RBKS: variants seen among roughly 807,000 people sequenced by gnomAD.
RBKS encodes the protein ribokinase.
RBKS carries 33 observed loss-of-function variants against 33.9 expected under a neutral mutation model. That is an observed-to-expected ratio of 0.97 (90% CI 0.74 to 1.30). The LOEUF is 1.30. Ranked by LOEUF, RBKS falls within the 50% of genes most tolerant of loss-of-function variation. The probability of loss-of-function intolerance (pLI) is 0.00; values close to 1 mark genes in which losing one functional copy is unlikely to be tolerated. For missense variants in RBKS, 361 were observed against 392.6 expected (o/e 0.92, Z 0.68); for synonymous variants, 125 against 143.0 (o/e 0.87, Z 0.90).
rs1033604138 is a variant in RBKS at position 27,837,066 on chromosome 2, G to T, written c.515-4289C>A. Among the ~76,000 whole-genome samples, 11 of 152,004 alleles carry T rather than the reference G, an allele frequency of 7.2e-5. No homozygotes were observed. Among genetic ancestry groups the T allele is most frequent in the African/African-American group, 2.7e-4 (11 of 41,290 alleles). On this transcript the variant is annotated intron_variant, in intron 5 of 7. Transcript: ENST00000302188. The surrounding 1 kb of genome is among the most constrained non-coding windows in gnomAD (Gnocchi z 4.0). ...GGCAGGCAGATCACGAGGATCGGGA[G>T]ATTAAGATCATCCTGGCTAACACGG... is the stretch of plus-strand genomic sequence containing the variant.
intron 7 of RBKS, among the ~76,000 whole-genome samples, chr2:27,804,527 C>T (rs1677859872): frequency 1.3e-5 from 2 of 152,138 alleles, no homozygotes; most frequent in Non-Finnish European, 2.9e-5. Flanking sequence ...AATAATGTAA[C>T]CATAATAAAC....
At chr2:27,848,344 AT>A (rs1663665328) in intron 2 of RBKS, among the ~76,000 whole-genome samples, 1 of 152,204 alleles carries the variant, frequency 6.6e-6, no homozygotes, top group Non-Finnish European at 1.5e-5. Flanking sequence ...AGTCATTCTC[AT>A]TTTGAGCTGT....
At chr2:27,790,765 A>C (rs1458080896) in intron 7 of RBKS, among the ~76,000 whole-genome samples, 1 of 152,254 alleles carries the variant, frequency 6.6e-6, no homozygotes, top group African/African-American at 2.4e-5. Context: ...TTTAAAGCTG[A>C]AAGTACCAAT....
chr2:27,866,458 A>C (rs1664100359), intron 1 of RBKS, among the ~76,000 whole-genome samples: 1 of 152,186 alleles, frequency 6.6e-6, no homozygotes, highest in African/African-American at 2.4e-5. Flanking sequence ...CAAGTTTAAA[A>C]AATTTCAGCC....
At chr2:27,881,743 A>C (rs940830970) in intron 1 of RBKS, among the ~76,000 whole-genome samples, 1 of 152,018 alleles carries the variant, frequency 6.6e-6, no homozygotes, top group Admixed American at 6.6e-5. Context: ...GAACAGAATA[A>C]AGAGCCCCCA....
chr2:27,832,503 T>C (rs1573053100), intron 6 of RBKS, among the ~76,000 whole-genome samples, 183 bp downstream of exon 6: 1 of 152,084 alleles, frequency 6.6e-6, no homozygotes, highest in Admixed American at 6.6e-5. Flanking sequence ...AGAGAATCCT[T>C]TTTTCCCCCC....
At chr2:27,798,632 T>A (rs1677709215) in intron 7 of RBKS, among the ~76,000 whole-genome samples, 1 of 152,144 alleles carries the variant, frequency 6.6e-6, no homozygotes, top group African/African-American at 2.4e-5. Context: ...TTCCAGCCCA[T>A]CCTCTACACT....
intron 6 of RBKS, among the ~76,000 whole-genome samples, chr2:27,830,264 T>C (rs1678395150): frequency 6.6e-6 from 1 of 152,128 alleles, no homozygotes; most frequent in Non-Finnish European, 1.5e-5. Flanking sequence ...ATAAGAACAT[T>C]AAGCTTTTTT....
chr2:27,832,621 T>C lies in RBKS; in HGVS notation c.606+65A>G, dbSNP rs143430514. The C allele has an allele frequency of 4.3e-4, 439 of 1,022,894 alleles. 1 individual carries two copies. The African/African-American group carries it at 6.5e-3, about 15-fold the overall frequency. 63.4% of individuals were successfully genotyped at this position (1,022,894 alleles called of 1,614,324 possible). Reference sequence around the variant, plus strand: ...AAATTGATGTGGTTAGTTCTGCCCCTTTGCTTTATCCACTTGTACAAACTT... The same window carrying C: ...AAATTGATGTGGTTAGTTCTGCCCCCTTGCTTTATCCACTTGTACAAACTT... On this transcript the variant is annotated intron_variant, in intron 6 of 7. Coordinates refer to ENST00000302188, the MANE Select transcript of RBKS (RefSeq NM_022128.3).
chr2:27,812,413 T>C (rs1435722350), intron 7 of RBKS, among the ~76,000 whole-genome samples: 1 of 152,236 alleles, frequency 6.6e-6, no homozygotes, highest in African/African-American at 2.4e-5. Flanking sequence ...TGCACACGTA[T>C]GTTTATTGTG....
At chr2:27,808,642 T>C (rs893752038) in intron 7 of RBKS, among the ~76,000 whole-genome samples, 6 of 152,238 alleles carry the variant, frequency 3.9e-5, no homozygotes, top group African/African-American at 1.4e-4. Context: ...ATCTGGGGCC[T>C]GACCGTGTCT....
rs142921309 is a variant in RBKS, at chr2:27,786,260, T to C, written c.796-4472A>G. Among the ~76,000 whole-genome samples the C allele has an allele frequency of 5.9e-3, 895 of 152,340 alleles. 13 individuals carry two copies. Among genetic ancestry groups the C allele is most frequent in the African/African-American group, 0.02 (848 of 41,576 alleles). ...GTCTTTTCTTCTTTATATACTTTTA[T>C]ATTGTTTGATTTGCTATAAGCTTAT... On this transcript the variant is annotated intron_variant, in intron 7 of 7. Coordinates refer to ENST00000302188, the MANE Select transcript of RBKS (RefSeq NM_022128.3).
At chr2:27,886,988 G>A (rs767575119) in intron 1 of RBKS, among the ~76,000 whole-genome samples, 7 of 152,112 alleles carry the variant, frequency 4.6e-5, no homozygotes, top group Non-Finnish European at 8.8e-5. Context: ...CATACTCTCT[G>A]CTCCCCTCTC....
chr2:27,858,145 G>C (rs1218008141), intron 2 of RBKS, among the ~76,000 whole-genome samples: 1 of 152,146 alleles, frequency 6.6e-6, no homozygotes, highest in Non-Finnish European at 1.5e-5. Context: ...TATATGAAAT[G>C]TCCCGAATAG....
intron 2 of RBKS, among the ~76,000 whole-genome samples, chr2:27,858,165 T>G (rs1400579333): frequency 6.6e-6 from 1 of 152,024 alleles, no homozygotes; most frequent in Non-Finnish European, 1.5e-5. Context: ...GATAAATCCA[T>G]AGAGATAGAA....
At chr2:27,781,830 A>G (rs1188575003) in intron 7 of RBKS, 42 bp from the exon 8 acceptor site, 2 of 1,528,260 alleles carry the variant, frequency 1.3e-6, no homozygotes, top group East Asian at 4.6e-5. Context: ...CATGTAGTCA[A>G]TCTGTTGCCC....
chr2:27,852,509 T>A (rs1663770177), intron 2 of RBKS, among the ~76,000 whole-genome samples: 1 of 152,076 alleles, frequency 6.6e-6, no homozygotes, highest in Non-Finnish European at 1.5e-5. Flanking sequence ...GCTTCCAGAG[T>A]CCAGAACTAT....
rs1663904710 is a variant in RBKS at position 27,858,486 on chromosome 2, A to G, written c.175T>C (p.Cys59Arg). The change falls in exon 2 of 8, where the codon TGT (cysteine) becomes CGT (arginine). Residue 59 changes from cysteine to arginine, a missense_variant. Cys to Arg is a radical substitution (Grantham distance 180). Coordinates refer to ENST00000302188, the MANE Select transcript of RBKS (RefSeq NM_022128.3). The stretch of plus-strand genomic sequence containing the variant: ...GCTCCAAGCCGAGCAGCTTGGACAC[A>G]CTGGTTGGCACCTTTCCCTCCAAAG... ...IGFGGKGANQ[C>R]VQAARLGAMT... 1 of 1,613,996 alleles carries G rather than the reference A, an allele frequency of 6.2e-7. No individual in the cohort carries two copies. Among genetic ancestry groups the G allele is most frequent in the Admixed American group, 1.7e-5 (1 of 60,000 alleles).
intron 7 of RBKS, among the ~76,000 whole-genome samples, chr2:27,815,104 C>T (rs746447508): frequency 1.3e-5 from 2 of 152,138 alleles, no homozygotes; most frequent in South Asian, 4.1e-4. Context: ...CCACACACCT[C>T]TTTTTCTATT....
Sources: gnomAD v4.1 joint callset for allele counts (sites outside exome capture counted in the v4.1 genomes callset) on GRCh38, gnomAD v4.1.1 for gene constraint, Gnocchi (gnomAD v3.1) non-coding constraint, MANE v1.5 for transcripts, NCBI Gene and HGNC (gene_info 2026-07-23, HGNC 2026-07-21) for gene names.